The following EPHA4 variants were observed in gnomAD, a reference collection of about 807,000 sequenced individuals.
EPHA4 encodes the protein ephrin type-A receptor 4.
In EPHA4, 19 loss-of-function variants were observed where a neutral mutation model predicts 108.3. That is an observed-to-expected ratio of 0.18 (90% CI 0.12 to 0.26). EPHA4 has a LOEUF of 0.26. Among genes scored for constraint, EPHA4 ranks in the 10% least tolerant of loss-of-function variants. The pLI, the probability that EPHA4 is intolerant of heterozygous loss-of-function variation, is 1.00. For missense variants in EPHA4, 917 were observed against 1,254.0 expected (o/e 0.73, Z 4.06); for synonymous variants, 449 against 455.5 (o/e 0.99, Z 0.18).
intron 14 of EPHA4, 23 bp from the exon 15 acceptor site, chr2:221,430,174 A>G (rs769979454): frequency 1.3e-6 from 2 of 1,572,712 alleles, no homozygotes; most frequent in South Asian, 2.4e-5. Flanking sequence ...ACAGGATGGT[A>G]TGTTAAGCTG....
chr2:221,436,402 G>C lies in EPHA4; in HGVS notation c.2343C>G (p.Thr781=), dbSNP rs376977378. 2.2e-5 allele frequency: 35 copies of C among 1,613,840 alleles called. No homozygotes were observed. Among genetic ancestry groups the C allele is most frequent in the Non-Finnish European group, 2.0e-5 (24 of 1,179,854 alleles). The change falls in exon 13 of 18, where the codon ACC becomes ACG. Residue 781 remains threonine (T), a synonymous_variant. Coordinates refer to ENST00000281821, the MANE Select transcript of EPHA4 (RefSeq NM_004438.5). ...LEDDPEAAYT[T]RGGKIPIRWT... ...AGATGTCACCGATCTTTCTTACCCT[G>C]GTGGTGTAAGCTGCTTCCGGATCAT...
chr2:221,428,436 T>G (rs973613333), intron 15 of EPHA4, among the ~76,000 whole-genome samples: 3 of 152,330 alleles, frequency 2.0e-5, no homozygotes, highest in African/African-American at 7.2e-5. Flanking sequence ...AATTTAGAAC[T>G]GATAATAGTG....
intron 17 of EPHA4, among the ~76,000 whole-genome samples, chr2:221,422,850 G>A (rs1240182402): frequency 6.6e-6 from 1 of 152,162 alleles, no homozygotes; most frequent in Non-Finnish European, 1.5e-5. Context: ...TTGTATCACT[G>A]TCTTCCCCAT....
At chr2:221,556,395 C>T (rs1013218840) in intron 3 of EPHA4, among the ~76,000 whole-genome samples, 20 of 151,808 alleles carry the variant, frequency 1.3e-4, no homozygotes, top group African/African-American at 4.8e-4. Context: ...CTCCCAGGTT[C>T]AAACGATTCT....
intron 3 of EPHA4, among the ~76,000 whole-genome samples, chr2:221,556,950 G>A (rs558839764): frequency 2.6e-5 from 4 of 152,064 alleles, no homozygotes; most frequent in Non-Finnish European, 5.9e-5. Flanking sequence ...TCTATTGAGG[G>A]TCTTGGAACA....
rs1316470908 is a variant in EPHA4, at chr2:221,571,981, C to A, written c.91+177G>T. Among the ~76,000 whole-genome samples, 1 of 152,154 alleles carries A rather than the reference C, an allele frequency of 6.6e-6. No individual in the cohort carries two copies. Among genetic ancestry groups the A allele is most frequent in the Non-Finnish European group, 1.5e-5 (1 of 68,044 alleles). On this transcript the variant is annotated intron_variant, in intron 1 of 17. Transcript: ENST00000281821. The surrounding 1 kb of genome is among the most constrained non-coding windows in gnomAD (Gnocchi z 6.3). ...GGTCACCGCCTCGGGGCAGGCTGTC[C>A]GGCGGTTCCCCGCTGCCCCTTCGCC...
At chr2:221,509,276 C>T (rs1452207083) in intron 3 of EPHA4, among the ~76,000 whole-genome samples, 4 of 152,156 alleles carry the variant, frequency 2.6e-5, no homozygotes, top group African/African-American at 9.7e-5. Flanking sequence ...TGCAGTGAGC[C>T]GAGATCGTGC....
intron 4 of EPHA4, among the ~76,000 whole-genome samples, chr2:221,493,684 T>A (rs1692221334): frequency 6.6e-6 from 1 of 152,116 alleles, no homozygotes; most frequent in African/African-American, 2.4e-5. Flanking sequence ...AGAACTGAAA[T>A]GGTAATTTTA....
intron 3 of EPHA4, among the ~76,000 whole-genome samples, chr2:221,527,222 GTTCTC>G (rs1341596581): frequency 2.0e-5 from 3 of 152,190 alleles, no homozygotes; most frequent in African/African-American, 7.2e-5. Context: ...CATGCTCCAT[GTTCTC>G]TTGGTTTAGA....
chr2:221,451,843 C>T (rs1690794653), intron 8 of EPHA4, among the ~76,000 whole-genome samples: 4 of 152,134 alleles, frequency 2.6e-5, no homozygotes, highest in South Asian at 4.1e-4. Context: ...TTGATTCTTT[C>T]ACCGCGATCC....
chr2:221,544,113 C>T (rs1037090246), intron 3 of EPHA4, among the ~76,000 whole-genome samples: 2 of 152,092 alleles, frequency 1.3e-5, no homozygotes, highest in African/African-American at 4.8e-5. Context: ...ATGACCTAAA[C>T]GCCAACCAAA....
At position 221,420,058 on chromosome 2, in the gene EPHA4, A is replaced by G. The variant is rs1327931925; in HGVS notation, c.*1314T>C. 6.6e-6 allele frequency: 1 copy of G among 152,580 alleles called. No individual in the cohort carries two copies. The highest frequency in any genetic ancestry group is 2.4e-5 in the African/African-American group (1 of 41,428). 9.5% of individuals were successfully genotyped at this position (152,580 alleles called of 1,614,324 possible). ...TATATTTATATCACTGCAATGGCAC[A>G]CCCTGGGTAAAATGTTACTTCCGCA... is the stretch of plus-strand genomic sequence containing the variant. On this transcript the variant is annotated 3_prime_UTR_variant, in exon 18 of 18. Coordinates refer to ENST00000281821, the MANE Select transcript of EPHA4 (RefSeq NM_004438.5).
chr2:221,482,368 C>T lies in EPHA4; in HGVS notation c.1302G>A (p.Val434=). 10 of 1,603,232 alleles carry T rather than the reference C, an allele frequency of 6.2e-6. No individual in the cohort carries two copies. Among genetic ancestry groups the T allele is most frequent in the Non-Finnish European group, 8.5e-6 (10 of 1,172,182 alleles). ...PNPDQSVSVT[V]TTNQAAPSSI... ...AATTCCTACCTGCTTGGTTGGTGGT[C>T]ACAGTGACAGAAACTGATTGGTCTG... The change falls in exon 5 of 18, where the codon GTG becomes GTA. Residue 434 remains valine, a synonymous_variant. Coordinates refer to ENST00000281821, the MANE Select transcript of EPHA4 (RefSeq NM_004438.5).
intron 5 of EPHA4, among the ~76,000 whole-genome samples, chr2:221,472,883 G>A (rs1004843172): frequency 4.6e-5 from 7 of 152,146 alleles, no homozygotes; most frequent in Non-Finnish European, 8.8e-5. Flanking sequence ...AGTACAGTTC[G>A]TTTAGATCAG....
chr2:221,561,670 C>T (rs901559640), intron 3 of EPHA4, among the ~76,000 whole-genome samples: 1 of 152,138 alleles, frequency 6.6e-6, no homozygotes, highest in Non-Finnish European at 1.5e-5. Context: ...GAAAAATGTT[C>T]GATTGCTTTT....
chr2:221,471,707 C>T (rs1170623991), intron 5 of EPHA4, among the ~76,000 whole-genome samples: 2 of 152,050 alleles, frequency 1.3e-5, no homozygotes, highest in Admixed American at 6.6e-5. Flanking sequence ...ATTACCAGCC[C>T]CTTGGAGCCG....
intron 3 of EPHA4, among the ~76,000 whole-genome samples, chr2:221,554,171 G>A (rs1176105168): frequency 6.6e-6 from 1 of 152,166 alleles, no homozygotes; most frequent in African/African-American, 2.4e-5. Flanking sequence ...TGTACAGAGA[G>A]CATTCTGCTG....
intron 3 of EPHA4, among the ~76,000 whole-genome samples, chr2:221,535,750 T>C (rs981752671): frequency 1.3e-5 from 2 of 152,208 alleles, no homozygotes; most frequent in Non-Finnish European, 2.9e-5. Flanking sequence ...TGGTAAACAT[T>C]ACAAATCTTC....
At chr2:221,542,253 AAACTT>A (rs1693860259) in intron 3 of EPHA4, among the ~76,000 whole-genome samples, 1 of 152,218 alleles carries the variant, frequency 6.6e-6, no homozygotes, top group South Asian at 2.1e-4. Context: ...AGAAGGTGCA[AAACTT>A]AACTGGATAA....
Sources: gnomAD v4.1 joint callset for allele counts (sites outside exome capture counted in the v4.1 genomes callset) on GRCh38, gnomAD v4.1.1 for gene constraint, Gnocchi (gnomAD v3.1) non-coding constraint, MANE v1.5 for transcripts, NCBI Gene and HGNC (gene_info 2026-07-23, HGNC 2026-07-21) for gene names.